Variants in CUL4A observed in about 807,000 individuals in gnomAD.
The protein encoded by CUL4A is cullin 4A, also known as cullin-4A.
In CUL4A, 16 loss-of-function variants were observed where a neutral mutation model predicts 95.5. The observed-to-expected ratio is 0.17, with a 90% CI of 0.11 to 0.25. The LOEUF is 0.25. Ranked by LOEUF, CUL4A falls within the 10% of genes least tolerant of loss-of-function variation. The probability of loss-of-function intolerance (pLI) is 1.00; values close to 1 mark genes in which losing one functional copy is unlikely to be tolerated. For synonymous variants in CUL4A, 380 were observed against 353.1 expected (o/e 1.08, Z -0.85); for missense variants, 610 against 937.0 (o/e 0.65, Z 4.56).
chr13:113,213,488 CG>C (rs2040528952), intron 2 of CUL4A, among the ~76,000 whole-genome samples: 1 of 152,080 alleles, frequency 6.6e-6, no homozygotes, highest in Non-Finnish European at 1.5e-5. Flanking sequence ...TGACTAGAAA[CG>C]AGTCCCACCT....
At chr13:113,208,625 T>C (rs756235474), upstream of CUL4A, 11 of 1,607,236 alleles carry the variant, frequency 6.8e-6, no homozygotes, top group African/African-American at 1.3e-5. Context: ...TTAATGGTAA[T>C]GTGCGCCATG....
upstream of CUL4A, chr13:113,208,981 G>T: frequency 1.9e-6 from 2 of 1,060,050 alleles, no homozygotes; most frequent in Non-Finnish European, 2.3e-6. Flanking sequence ...GTGAAAACCA[G>T]GCCGCGGAGG....
chr13:113,253,036 A>G, intron 15 of CUL4A, 46 bp from the exon 16 acceptor site: 1 of 911,242 alleles, frequency 1.1e-6, no homozygotes, highest in Non-Finnish European at 1.7e-6. Context: ...AGCTATTGAG[A>G]TGGATGGTGT....
rs1360707162 is a variant in CUL4A, at chr13:113,245,904, AT to A, written c.1531-50del. ...ACACGGTTTATTTTGTTTTAGGTTA[AT>A]TATGTTTTATTACTTTCTCAAAATG... On this transcript the variant is annotated intron_variant, in intron 14 of 19. Transcript: ENST00000375440. 7 of 1,306,704 alleles carry A rather than the reference AT, an allele frequency of 5.4e-6. No homozygotes were observed. The African/African-American group carries it at 1.0e-4, about 19-fold the overall frequency. The allele number at this position is 1,306,704 out of a possible 1,614,324, so 80.9% of individuals were successfully genotyped here.
chr13:113,212,244 G>A (rs2040476748), intron 2 of CUL4A, among the ~76,000 whole-genome samples: 1 of 152,152 alleles, frequency 6.6e-6, no homozygotes. Flanking sequence ...TTTCTGCCTA[G>A]TCTTCAACTT....
intron 2 of CUL4A, among the ~76,000 whole-genome samples, chr13:113,217,624 G>GT (rs541132439): frequency 9.7e-4 from 148 of 152,236 alleles, no homozygotes; most frequent in African/African-American, 3.4e-3. Context: ...TAATACTTGT[G>GT]TAAGTATTAG....
chr13:113,250,777 C>T (rs909664157), intron 15 of CUL4A, among the ~76,000 whole-genome samples: 2 of 152,014 alleles, frequency 1.3e-5, no homozygotes, highest in African/African-American at 4.8e-5. Flanking sequence ...AGATACATTT[C>T]CTAAAAGAGT....
intron 2 of CUL4A, 151 bp downstream of exon 2, chr13:113,210,239 A>G: frequency 1.9e-6 from 1 of 517,806 alleles, no homozygotes; most frequent in Non-Finnish European, 3.3e-6. Context: ...CCCCAGAGGC[A>G]ACAAGTGGTT....
intron 8 of CUL4A, 99 bp from the exon 9 acceptor site, chr13:113,236,724 A>G: frequency 2.7e-6 from 2 of 743,060 alleles, no homozygotes; most frequent in Non-Finnish European, 2.3e-6. Context: ...GATTGCCTCT[A>G]GACTGCATCT....
At position 113,229,703 on chromosome 13, in the gene CUL4A, C is replaced by T. The variant is rs1479996311; in HGVS notation, c.512+184C>T. ...GTCTTAGCCTTGAAACACCAGGTGT[C>T]TAGCCAGCAGCAAGGAGTGGAGCAG... On this transcript the variant is annotated intron_variant, in intron 5 of 19. Transcript: ENST00000375440. 4 of 570,318 alleles carry T rather than the reference C, an allele frequency of 7.0e-6. 1 individual carries two copies. The South Asian group carries it at 9.2e-5, about 13-fold the overall frequency. 35.3% of individuals were successfully genotyped at this position (570,318 alleles called of 1,614,324 possible). A position where few individuals can be genotyped will look rare whatever the true frequency, so the allele number is the denominator to read the frequency against.
chr13:113,234,330 G>A (rs775981672), intron 7 of CUL4A, among the ~76,000 whole-genome samples: 2 of 152,060 alleles, frequency 1.3e-5, no homozygotes, highest in African/African-American at 4.8e-5. Flanking sequence ...TTTGTGTGAA[G>A]CACTGCAAAA....
At chr13:113,227,166 C>A (rs545656520) in intron 3 of CUL4A, among the ~76,000 whole-genome samples, 1 of 152,308 alleles carries the variant, frequency 6.6e-6, no homozygotes, top group East Asian at 1.9e-4. Flanking sequence ...ATACAGAGAT[C>A]CATGATTGAA....
chr13:113,233,875 A>G, intron 6 of CUL4A, 22 bp from the exon 7 acceptor site: 3 of 1,277,690 alleles, frequency 2.3e-6, no homozygotes, highest in South Asian at 1.2e-5. Flanking sequence ...GAAATTGGTC[A>G]GTAACTCTGC....
In CUL4A at chr13:113,263,556, C is replaced by A; in HGVS notation, c.2254C>A (p.Pro752Thr). 1 of 1,604,114 alleles carries A rather than the reference C, an allele frequency of 6.2e-7. No homozygotes were observed. Among genetic ancestry groups the A allele is most frequent in the Non-Finnish European group, 8.5e-7 (1 of 1,175,354 alleles). The part of the protein sequence containing the change: ...RDYMERDKDN[P>T]NQYHYVA ...CTATATGGAGAGAGACAAAGACAAT[C>A]CGAATCAGTACCACTACGTGGCCTG... The change falls in exon 20 of 20, where the codon CCG becomes ACG. Residue 752 changes from proline to threonine, a missense_variant. Coordinates refer to ENST00000375440, the MANE Select transcript of CUL4A (RefSeq NM_001008895.4).
rs1207625711 is a variant in CUL4A at position 113,214,527 on chromosome 13, A to AAG, written c.265-4407_265-4406dup. 5.3e-5 allele frequency among the ~76,000 whole-genome samples: 8 copies of AAG among 152,008 alleles called. No individual in the cohort carries two copies. In the East Asian group the frequency reaches 5.8e-4, roughly 11 times the overall value. On this transcript the variant is annotated intron_variant, in intron 2 of 19. Transcript: ENST00000375440. Reference sequence around the variant, plus strand: ...AAACCTCTCAGGCCCTTTAAAAAAAAAGAGAGAGAGAGGTGTGGCCTCCCT... The same window carrying AAG: ...AAACCTCTCAGGCCCTTTAAAAAAAAAGAGAGAGAGAGAGGTGTGGCCTCCCT...
chr13:113,233,815 C>T (rs548459918), intron 6 of CUL4A, 82 bp from the exon 7 acceptor site: 3 of 861,538 alleles, frequency 3.5e-6, no homozygotes, highest in Non-Finnish European at 3.9e-6. Flanking sequence ...GCAGCCTGCC[C>T]CGTCAGAAAC....
At chr13:113,229,105 C>T (rs754198999) in intron 4 of CUL4A, among the ~76,000 whole-genome samples, 2 of 151,996 alleles carry the variant, frequency 1.3e-5, no homozygotes, top group Admixed American at 6.6e-5. Flanking sequence ...GGCGACAGAG[C>T]GAGACTCCGT....
chr13:113,209,285 A>G (rs1179053475), upstream of CUL4A, among the ~76,000 whole-genome samples: 6 of 142,422 alleles, frequency 4.2e-5, no homozygotes, highest in African/African-American at 1.6e-4. Flanking sequence ...CCGAGCCAGG[A>G]GGGGGTGCCC....
At position 113,232,862 on chromosome 13, in the gene CUL4A, G is replaced by A. The variant is rs1042281013; in HGVS notation, c.513-315G>A. 5.3e-5 allele frequency among the ~76,000 whole-genome samples: 8 copies of A among 152,102 alleles called. No homozygotes were observed. The East Asian group carries it at 5.8e-4, about 11-fold the overall frequency. Reference sequence around the variant, plus strand: ...GTGCCCAACTGCCTGAGTGTCTCCCGTCGCTCAGCAGGAAGGTGGCGAGGA... The same window carrying A: ...GTGCCCAACTGCCTGAGTGTCTCCCATCGCTCAGCAGGAAGGTGGCGAGGA... On this transcript the variant is annotated intron_variant, in intron 5 of 19. Coordinates refer to ENST00000375440, the MANE Select transcript of CUL4A (RefSeq NM_001008895.4).
Sources: allele counts gnomAD v4.1 joint callset (sites outside exome capture counted in the v4.1 genomes callset), GRCh38; gene constraint gnomAD v4.1.1; transcripts MANE v1.5; gene names NCBI Gene and HGNC (gene_info 2026-07-23, HGNC 2026-07-21).